Variants in KCNJ6 observed in about 807,000 individuals in gnomAD.
The protein encoded by KCNJ6 is G protein-activated inward rectifier potassium channel 2.
KCNJ6 carries 9 observed loss-of-function variants against 34.2 expected under a neutral mutation model. That is an observed-to-expected ratio of 0.26 (90% CI 0.16 to 0.46). KCNJ6 has a LOEUF of 0.46. Among genes scored for constraint, KCNJ6 ranks in the 20% least tolerant of loss-of-function variants. KCNJ6 has a pLI of 1.00. For missense variants in KCNJ6, 236 were observed against 531.3 expected, an observed-to-expected ratio of 0.44 and a Z score of 5.46; for synonymous variants, 196 against 207.1, an observed-to-expected ratio of 0.95 and a Z score of 0.46.
chr21:37,915,362 G>T (rs547313324), intron 1 of KCNJ6, among the ~76,000 whole-genome samples: 2 of 152,320 alleles, frequency 1.3e-5, no homozygotes, highest in African/African-American at 4.8e-5. Flanking sequence ...ATAGAGAACA[G>T]TTAGGAGTTA....
chr21:37,711,807 C>CCA (rs2054754491), intron 3 of KCNJ6, among the ~76,000 whole-genome samples: 2 of 150,640 alleles, frequency 1.3e-5, no homozygotes, highest in South Asian at 4.3e-4. Context: ...ACCCCCCCCC[C>CCA]AAGTCTAGAA....
rs1491426445 is a variant in KCNJ6, at chr21:37,617,115, T to TC, written c.*8043dup. 2.3e-5 allele frequency: 3 copies of TC among 131,112 alleles called. No individual in the cohort carries two copies. Among genetic ancestry groups the TC allele is most frequent in the Non-Finnish European group, 4.8e-5 (3 of 62,854 alleles). 8.1% of individuals were successfully genotyped at this position (131,112 alleles called of 1,614,324 possible). ...TCTTTCTTTTCTTTCTTTCTTTCCT[T>TC]CTTCCTTCCTTCCTTCTTTCTTTCC... On this transcript the variant is annotated 3_prime_UTR_variant, in exon 4 of 4. Transcript: ENST00000609713.
At chr21:37,693,952 G>T in intron 3 of KCNJ6, among the ~76,000 whole-genome samples, 1 of 151,648 alleles carries the variant, frequency 6.6e-6, no homozygotes. Context: ...AACAAACATT[G>T]GAACAAATAT....
chr21:37,619,294 T>C lies in KCNJ6; in HGVS notation c.*5865A>G, dbSNP rs2054282943. Reference sequence around the variant, plus strand: ...GAGTTCAGCTTAGTGACACAAAGAATGCCATTTAATATTGACTCATCTAAA... The same window carrying C: ...GAGTTCAGCTTAGTGACACAAAGAACGCCATTTAATATTGACTCATCTAAA... On this transcript the variant is annotated 3_prime_UTR_variant, in exon 4 of 4. Transcript: ENST00000609713. 6.6e-6 allele frequency: 1 copy of C among 152,206 alleles called. No individual in the cohort carries two copies. Among genetic ancestry groups the C allele is most frequent in the Admixed American group, 6.5e-5 (1 of 15,272 alleles). The allele number at this position is 152,206 out of a possible 1,614,324, so 9.4% of individuals were successfully genotyped here.
Position 37,621,795 on chromosome 21 carries a change from G to A in KCNJ6, c.*3364C>T, listed in dbSNP as rs1456390715. 1.3e-5 allele frequency: 2 copies of A among 152,218 alleles called. No homozygotes were observed. Among genetic ancestry groups the A allele is most frequent in the Non-Finnish European group, 2.9e-5 (2 of 68,050 alleles). 9.4% of individuals were successfully genotyped at this position (152,218 alleles called of 1,614,324 possible). A position where few individuals can be genotyped will look rare whatever the true frequency, so the allele number is the denominator to read the frequency against. On this transcript the variant is annotated 3_prime_UTR_variant, in exon 4 of 4. Coordinates refer to ENST00000609713, the MANE Select transcript of KCNJ6 (RefSeq NM_002240.5). ...GAGAGTTCTGCCTCATGGACATAGA[G>A]GGGATATATGCTGGAACAACCAGGC...
intron 2 of KCNJ6, among the ~76,000 whole-genome samples, chr21:37,746,021 G>A (rs2054966107): frequency 6.6e-6 from 1 of 152,174 alleles, no homozygotes; most frequent in African/African-American, 2.4e-5. Context: ...GCTTGCAGGA[G>A]GCCACCTATT....
chr21:37,903,382 T>C (rs1442512933), intron 1 of KCNJ6, among the ~76,000 whole-genome samples: 1 of 152,220 alleles, frequency 6.6e-6, no homozygotes, highest in Non-Finnish European at 1.5e-5. Context: ...TCCACCATGA[T>C]TGTGAGGCCT....
chr21:37,811,659 T>TC (rs769666086), intron 2 of KCNJ6, among the ~76,000 whole-genome samples: 2 of 152,116 alleles, frequency 1.3e-5, no homozygotes, highest in Non-Finnish European at 2.9e-5. Flanking sequence ...CTAGAGCTTG[T>TC]CCTCCCCACT....
At chr21:37,760,619 G>A (rs1304182466) in intron 2 of KCNJ6, among the ~76,000 whole-genome samples, 2 of 152,220 alleles carry the variant, frequency 1.3e-5, no homozygotes, top group South Asian at 2.1e-4. Flanking sequence ...CAGCTGTCAC[G>A]AGCCAGTACC....
chr21:37,665,101 A>G (rs961876272), intron 3 of KCNJ6, among the ~76,000 whole-genome samples: 1 of 152,146 alleles, frequency 6.6e-6, no homozygotes, highest in Non-Finnish European at 1.5e-5. Context: ...TGGCAAGAAT[A>G]TTCCTTTTAA....
intron 3 of KCNJ6, among the ~76,000 whole-genome samples, chr21:37,696,722 TCA>T (rs2054665159): frequency 6.6e-6 from 1 of 152,194 alleles, no homozygotes; most frequent in African/African-American, 2.4e-5. Context: ...ATTTTGAAAA[TCA>T]CACTGTGGTT....
In KCNJ6 at chr21:37,619,945, C is replaced by T. The variant is rs1157201101; in HGVS notation, c.*5214G>A. The T allele has an allele frequency of 6.6e-6, 1 of 152,114 alleles. No individual in the cohort carries two copies. The highest frequency in any genetic ancestry group is 2.4e-5 in the African/African-American group (1 of 41,408). The allele number at this position is 152,114 out of a possible 1,614,324, so 9.4% of individuals were successfully genotyped here. On this transcript the variant is annotated 3_prime_UTR_variant, in exon 4 of 4. Coordinates refer to ENST00000609713, the MANE Select transcript of KCNJ6 (RefSeq NM_002240.5). ...TCTATTTGCCACTCTGGAGGAATGG[C>T]ATGAAAAGGAAGGATTCTTCCTTTG...
chr21:37,827,319 T>C (rs1251707339), intron 2 of KCNJ6, among the ~76,000 whole-genome samples: 1 of 152,168 alleles, frequency 6.6e-6, no homozygotes, highest in African/African-American at 2.4e-5. Context: ...GAAAGATCAC[T>C]AGTATTTAGC....
intron 3 of KCNJ6, among the ~76,000 whole-genome samples, chr21:37,650,772 G>A (rs2054429452): frequency 6.6e-6 from 1 of 152,114 alleles, no homozygotes; most frequent in Admixed American, 6.5e-5. Context: ...CCCCAACTAG[G>A]CTGTCAGTCT....
At chr21:37,755,833 C>G (rs141817888) in intron 2 of KCNJ6, among the ~76,000 whole-genome samples, 58 of 152,296 alleles carry the variant, frequency 3.8e-4, no homozygotes, top group African/African-American at 1.4e-3. Flanking sequence ...GGAGGCTGCC[C>G]CTTTCCCCAA....
chr21:37,783,726 C>T (rs1224595312), intron 2 of KCNJ6, among the ~76,000 whole-genome samples: 1 of 152,166 alleles, frequency 6.6e-6, no homozygotes, highest in Admixed American at 6.5e-5. Flanking sequence ...TATGTTGAAG[C>T]TCTAACCTCC....
intron 1 of KCNJ6, among the ~76,000 whole-genome samples, chr21:37,886,518 T>C (rs1383082917): frequency 6.6e-6 from 1 of 152,146 alleles, no homozygotes; most frequent in Non-Finnish European, 1.5e-5. Flanking sequence ...CTGTCCCAAT[T>C]TCAAATCAAA....
intron 1 of KCNJ6, among the ~76,000 whole-genome samples, chr21:37,848,102 C>G (rs1028804318): frequency 1.3e-5 from 2 of 152,160 alleles, no homozygotes; most frequent in Admixed American, 1.3e-4. Flanking sequence ...CAGACAGCTG[C>G]TCAGGAGGGA....
chr21:37,791,268 G>A (rs1419668377), intron 2 of KCNJ6, among the ~76,000 whole-genome samples: 1 of 152,198 alleles, frequency 6.6e-6, no homozygotes, highest in Admixed American at 6.5e-5. Flanking sequence ...CTTGTGTATT[G>A]TAAAAAGAAG....
Sources: gnomAD v4.1 joint callset for allele counts (sites outside exome capture counted in the v4.1 genomes callset) on GRCh38, gnomAD v4.1.1 for gene constraint, MANE v1.5 for transcripts, NCBI Gene and HGNC (gene_info 2026-07-23, HGNC 2026-07-21) for gene names.